Variants in DPP6 observed in about 807,000 individuals in gnomAD.
The protein encoded by DPP6 is A-type potassium channel modulatory protein DPP6.
DPP6 carries 69 observed loss-of-function variants against 122.6 expected under a neutral mutation model. The ratio of observed to expected loss-of-function variants is 0.56; its 90% CI spans 0.46 to 0.69. DPP6 has a LOEUF of 0.69. Among genes scored for constraint, DPP6 ranks in the 30% least tolerant of loss-of-function variants. The pLI is 0.00. For synonymous variants in DPP6, 418 were observed against 433.1 expected, an observed-to-expected ratio of 0.97 and a Z score of 0.43; for missense variants, 928 against 1,116.9, an observed-to-expected ratio of 0.83 and a Z score of 2.41.
At chr7:153,766,526 C>T in the DPP6 span, among the ~76,000 whole-genome samples, 9 of 152,248 alleles carry the variant, frequency 5.9e-5, no homozygotes, top group Middle Eastern at 3.4e-3. Flanking sequence ...ATTAAACATG[C>T]TCAATAAATG....
At chr7:154,106,969 C>G (rs1452428040) in intron 1 of DPP6, among the ~76,000 whole-genome samples, 2 of 152,072 alleles carry the variant, frequency 1.3e-5, no homozygotes, top group African/African-American at 4.8e-5. Flanking sequence ...AGGGAACCCT[C>G]ACACAGTGTT....
chr7:153,833,856 A>G, the DPP6 span, among the ~76,000 whole-genome samples: 1 of 152,194 alleles, frequency 6.6e-6, no homozygotes, highest in Non-Finnish European at 1.5e-5. Context: ...ACCAAGGACA[A>G]TGCATTCTGC....
At chr7:154,750,751 G>A (rs1412941055) in intron 8 of DPP6, among the ~76,000 whole-genome samples, 1 of 152,228 alleles carries the variant, frequency 6.6e-6, no homozygotes, top group African/African-American at 2.4e-5. Context: ...TGGAGCAAGC[G>A]TGGTCCCAGA....
rs185988762 is a variant in DPP6, at chr7:154,479,871, A to C, written c.457+4834A>C. Among the ~76,000 whole-genome samples the C allele has an allele frequency of 4.1e-3, 624 of 151,928 alleles. 2 individuals carry two copies. Among genetic ancestry groups the C allele is most frequent in the African/African-American group, 0.014 (578 of 41,432 alleles). On this transcript the variant is annotated intron_variant, in intron 3 of 25. Coordinates refer to ENST00000377770, the MANE Select transcript of DPP6 (RefSeq NM_130797.4). ...TCATTTCTAGATGATGATAATTGCA[A>C]ATCTCACCTTCTCTGCCCAACCCTG...
At chr7:154,823,239 T>G (rs927541456) in intron 16 of DPP6, among the ~76,000 whole-genome samples, 2 of 152,194 alleles carry the variant, frequency 1.3e-5, no homozygotes, top group African/African-American at 4.8e-5. Flanking sequence ...AGAAATGTTG[T>G]AAACAATGAA....
intron 17 of DPP6, among the ~76,000 whole-genome samples, chr7:154,859,243 T>C (rs1803104298): frequency 6.6e-6 from 1 of 152,216 alleles, no homozygotes; most frequent in Admixed American, 6.5e-5. Flanking sequence ...TTGAACAGTG[T>C]GCAAAGCAGC....
At chr7:154,677,045 C>T (rs755705989) in intron 7 of DPP6, among the ~76,000 whole-genome samples, 2 of 152,186 alleles carry the variant, frequency 1.3e-5, no homozygotes, top group African/African-American at 2.4e-5. Context: ...TTAACTTCAG[C>T]GGGGCTGCTT....
chr7:154,850,407 C>T (rs140568509), intron 16 of DPP6, among the ~76,000 whole-genome samples: 71 of 148,986 alleles, frequency 4.8e-4, no homozygotes, highest in Non-Finnish European at 5.6e-4. Context: ...GGGTTTTTGG[C>T]GGGGGTGGGG....
intron 1 of DPP6, among the ~76,000 whole-genome samples, chr7:154,288,635 A>C (rs1805006708): frequency 6.6e-6 from 1 of 152,234 alleles, no homozygotes; most frequent in South Asian, 2.1e-4. Flanking sequence ...GCCATGATTC[A>C]TATAAAGCAA....
intron 1 of DPP6, among the ~76,000 whole-genome samples, chr7:154,237,108 C>G (rs904877774): frequency 6.6e-6 from 1 of 152,146 alleles, no homozygotes; most frequent in African/African-American, 2.4e-5. Context: ...AGGCCCATAC[C>G]TTGAGATAAA....
rs1279505307 is a variant in DPP6 at position 154,656,688 on chromosome 7, GGT to G, written c.681-12671_681-12670del. Among the ~76,000 whole-genome samples the G allele has an allele frequency of 1.2e-4, 18 of 152,150 alleles. No homozygotes were observed. In the East Asian group the frequency reaches 3.5e-3, roughly 29 times the overall value. ...ACCGGTAGGCGTTGGGCTGATGATG[GGT>G]TAGAGGCTGCGTGGGGAGGAGGTGC... is the stretch of plus-strand genomic sequence containing the variant. On this transcript the variant is annotated intron_variant, in intron 6 of 25. Coordinates refer to ENST00000377770, the MANE Select transcript of DPP6 (RefSeq NM_130797.4).
At chr7:153,870,648 C>G in the DPP6 span, among the ~76,000 whole-genome samples, 1 of 152,230 alleles carries the variant, frequency 6.6e-6, no homozygotes, top group South Asian at 2.1e-4. Flanking sequence ...CTTCTCTCAA[C>G]TTGTCAAAGT....
intron 1 of DPP6, among the ~76,000 whole-genome samples, chr7:154,363,792 C>A (rs938659916): frequency 6.6e-6 from 1 of 152,046 alleles, no homozygotes; most frequent in Non-Finnish European, 1.5e-5. Context: ...TATTTTTAAC[C>A]ATTGAGTTAC....
intron 3 of DPP6, among the ~76,000 whole-genome samples, chr7:154,478,390 C>G (rs928848771): frequency 1.3e-5 from 2 of 152,070 alleles, no homozygotes; most frequent in African/African-American, 2.4e-5. Context: ...TATTACCCAC[C>G]ACCACCATCT....
chr7:154,497,617 G>GA lies in DPP6; in HGVS notation c.457+22591dup, dbSNP rs146292356. Among the ~76,000 whole-genome samples the GA allele has an allele frequency of 1.8e-3, 233 of 131,660 alleles. 1 individual carries two copies. The highest frequency in any genetic ancestry group is 0.012 in the Middle Eastern group (3 of 258). The allele number at this position is 131,660 out of a possible 152,430, so 86.4% of individuals were successfully genotyped here. On this transcript the variant is annotated intron_variant, in intron 3 of 25. Coordinates refer to ENST00000377770, the MANE Select transcript of DPP6 (RefSeq NM_130797.4). ...GAGTGAGACTCCATCTCCAAAAAAA[G>GA]AAAAAAAAAAAGAAAAGAAAAAAGA...
Position 154,880,889 on chromosome 7 carries a change from A to G in DPP6, c.2080A>G (p.Thr694Ala). ...TCTTTCCCCTCCTCGACCTCACAGG[A>G]CGATGCTGAAGGAGCAGTACATTGA... ...EEKDQMEAVR[T>A]MLKEQYIDRT... Residue 694 changes from threonine (T) to alanine (A), a missense_variant and splice_region_variant, in exon 21 of 26, where the codon ACG (threonine) becomes GCG (alanine). Physicochemically the swap from Thr to Ala is moderately conservative, Grantham distance 58. Transcript: ENST00000377770. 1 of 1,613,982 alleles carries G rather than the reference A, an allele frequency of 6.2e-7. No homozygotes were observed. The highest frequency in any genetic ancestry group is 8.5e-7 in the Non-Finnish European group (1 of 1,179,892).
At chr7:154,126,186 T>G (rs1482363811) in intron 1 of DPP6, among the ~76,000 whole-genome samples, 1 of 152,186 alleles carries the variant, frequency 6.6e-6, no homozygotes, top group Non-Finnish European at 1.5e-5. Context: ...GTAGGAAAAC[T>G]GTCTAGAAAT....
chr7:153,748,599 ACCT>A, the DPP6 span, among the ~76,000 whole-genome samples: 1 of 85,858 alleles, frequency 1.2e-5, no homozygotes. Context: ...CCCCACACAC[ACCT>A]CCTTGGAGCT....
At chr7:154,546,700 A>T (rs1193841288) in intron 4 of DPP6, among the ~76,000 whole-genome samples, 5 of 152,180 alleles carry the variant, frequency 3.3e-5, no homozygotes, top group African/African-American at 9.6e-5. Context: ...GTCTCTAAAA[A>T]TTAATTAATT....
Sources: gnomAD v4.1 joint callset for allele counts (sites outside exome capture counted in the v4.1 genomes callset) on GRCh38, gnomAD v4.1.1 for gene constraint, MANE v1.5 for transcripts, NCBI Gene and HGNC (gene_info 2026-07-23, HGNC 2026-07-21) for gene names.